The following DGKG variants were observed in gnomAD, a reference collection of about 807,000 sequenced individuals.
DGKG encodes the protein DAG kinase gamma.
In DGKG, 78 loss-of-function variants were observed where a neutral mutation model predicts 105.3. The observed-to-expected ratio is 0.74, with a 90% CI of 0.62 to 0.89. The LOEUF (loss-of-function observed/expected upper bound fraction) is 0.89, where lower values mean the gene tolerates loss of function less well. Ranked by LOEUF, DGKG falls within the 40% of genes least tolerant of loss-of-function variation. DGKG has a pLI of 0.00. For missense variants in DGKG, 958 were observed against 1,020.1 expected, an observed-to-expected ratio of 0.94 and a Z score of 0.83; for synonymous variants, 346 against 367.1, an observed-to-expected ratio of 0.94 and a Z score of 0.66.
At position 186,224,807 on chromosome 3, in the gene DGKG, T is replaced by C. The variant is rs9811629; in HGVS notation, c.1827-12922A>G. Among the ~76,000 whole-genome samples the C allele has an allele frequency of 8.6e-3, 1,261 of 145,920 alleles. 21 individuals carry two copies. The highest frequency in any genetic ancestry group is 0.029 in the African/African-American group (1,158 of 39,838). ...TTTTAACCAATGCTACATACTTTAA[T>C]ACATGCTGGAAGAAGACAATCTGGG... On this transcript the variant is annotated intron_variant, in intron 20 of 24. Transcript: ENST00000265022.
At chr3:186,314,968 A>AC (rs1266683513) in intron 2 of DGKG, among the ~76,000 whole-genome samples, 5 of 151,814 alleles carry the variant, frequency 3.3e-5, no homozygotes, top group South Asian at 2.1e-4. Flanking sequence ...AAAAATGCCC[A>AC]CCCCCCAATG....
chr3:186,360,256 C>T (rs1446227787), intron 1 of DGKG, among the ~76,000 whole-genome samples: 1 of 151,964 alleles, frequency 6.6e-6, no homozygotes, highest in Admixed American at 6.6e-5. Context: ...TCGTTTTCTC[C>T]CCATGTCTCG....
chr3:186,191,087 G>C (rs1717884372), intron 21 of DGKG, among the ~76,000 whole-genome samples: 1 of 152,046 alleles, frequency 6.6e-6, no homozygotes, highest in South Asian at 2.1e-4. Flanking sequence ...CTTCTCTGTG[G>C]TCATCTGACT....
intron 19 of DGKG, among the ~76,000 whole-genome samples, chr3:186,246,975 C>T (rs6792471): frequency 0.78 from 118,341 of 152,096 alleles, 50,502 homozygotes; most frequent in East Asian, 1. Context: ...TTACACATAC[C>T]TTGGGAATTA....
chr3:186,248,367 G>A lies in DGKG; in HGVS notation c.1761+3392C>T, dbSNP rs538473693. On this transcript the variant is annotated intron_variant, in intron 19 of 24. Transcript: ENST00000265022. ...GCTCCTCAGCTCTGGCTTCCAGCCC[G>A]TTGCTTAGAGGGCTAGTTCTCCCCT... 6.6e-4 allele frequency among the ~76,000 whole-genome samples: 100 copies of A among 152,328 alleles called. 3 individuals carry two copies. Among genetic ancestry groups the A allele is most frequent in the East Asian group, 7.7e-4 (4 of 5,176 alleles).
At chr3:186,355,355 CT>C (rs1412442087) in intron 1 of DGKG, among the ~76,000 whole-genome samples, 6 of 70,024 alleles carry the variant, frequency 8.6e-5, no homozygotes, top group African/African-American at 3.4e-4. Context: ...AACAACACTA[CT>C]CCTACCACCA....
chr3:186,268,718 G>T, intron 12 of DGKG, 83 bp downstream of exon 12: 3 of 989,554 alleles, frequency 3.0e-6, no homozygotes, highest in South Asian at 2.7e-5. Flanking sequence ...CATGCCCTCT[G>T]GCCGGATATT....
In DGKG at chr3:186,148,554, G is replaced by A; in HGVS notation, c.*1536C>T. 2 of 985,410 alleles carry A rather than the reference G, an allele frequency of 2.0e-6. No individual in the cohort carries two copies. The highest frequency in any genetic ancestry group is 4.7e-5 in the South Asian group (1 of 21,288). The allele number at this position is 985,410 out of a possible 1,614,324, so 61.0% of individuals were successfully genotyped here. A position where few individuals can be genotyped will look rare whatever the true frequency, so the allele number is the denominator to read the frequency against. ...TGGATCCAAGTGGACTCACTTTTCA[G>A]TGACCAGAAATGACCCTACTCTGAG... On this transcript the variant is annotated 3_prime_UTR_variant, in exon 25 of 25. Coordinates refer to ENST00000265022, the MANE Select transcript of DGKG (RefSeq NM_001346.3).
At chr3:186,252,544 C>T (rs764071465) in intron 18 of DGKG, among the ~76,000 whole-genome samples, 4 of 152,234 alleles carry the variant, frequency 2.6e-5, no homozygotes, top group African/African-American at 2.4e-5. Context: ...TTGTCTTATA[C>T]ACTGGTTACC....
At chr3:186,250,576 G>A (rs2889737) in intron 19 of DGKG, among the ~76,000 whole-genome samples, 85,987 of 107,742 alleles carry the variant, frequency 0.8, 33,316 homozygotes, top group East Asian at 0.92. Flanking sequence ...TTGAGACAGA[G>A]TCTCGCTCTG....
intron 19 of DGKG, among the ~76,000 whole-genome samples, chr3:186,249,875 C>T (rs535386469): frequency 6.6e-6 from 1 of 151,560 alleles, no homozygotes; most frequent in African/African-American, 2.4e-5. Context: ...TTTACTTAAA[C>T]TTGCTATCCC....
At chr3:186,325,626 G>A (rs1030169268) in intron 1 of DGKG, among the ~76,000 whole-genome samples, 1 of 151,938 alleles carries the variant, frequency 6.6e-6, no homozygotes, top group Non-Finnish European at 1.5e-5. Context: ...TTAGTTAGGA[G>A]TCTATTGTAA....
chr3:186,212,251 A>G (rs540444095), intron 20 of DGKG, among the ~76,000 whole-genome samples: 4 of 152,168 alleles, frequency 2.6e-5, no homozygotes, highest in Non-Finnish European at 5.9e-5. Flanking sequence ...TGTCCTTTCC[A>G]TTACTCAGGC....
intron 21 of DGKG, among the ~76,000 whole-genome samples, chr3:186,193,225 C>A (rs1411545899): frequency 6.6e-6 from 1 of 152,146 alleles, no homozygotes; most frequent in Admixed American, 6.5e-5. Context: ...AACGTGCCTG[C>A]CTGGGCTTGA....
At chr3:186,187,432 G>A (rs1179691453) in intron 22 of DGKG, among the ~76,000 whole-genome samples, 2 of 152,238 alleles carry the variant, frequency 1.3e-5, no homozygotes, top group Non-Finnish European at 2.9e-5. Context: ...GTGATGGGAA[G>A]GCTGGAGTTA....
In DGKG at chr3:186,215,304, G is replaced by C. The variant is rs896371594; in HGVS notation, c.1827-3419C>G. Among the ~76,000 whole-genome samples the C allele has an allele frequency of 2.6e-5, 4 of 151,924 alleles. No individual in the cohort carries two copies. In the East Asian group the frequency reaches 7.8e-4, roughly 30 times the overall value. On this transcript the variant is annotated intron_variant, in intron 20 of 24. Transcript: ENST00000265022. ...CGGGCACTGGTAATCCCAGCGGCTT[G>C]GGAAGCTGAGGTGGGAGAATTGCTT...
chr3:186,213,318 C>T (rs1719127078), intron 20 of DGKG, among the ~76,000 whole-genome samples: 2 of 152,222 alleles, frequency 1.3e-5, no homozygotes, highest in African/African-American at 4.8e-5. Context: ...TGCAGAGCAG[C>T]CAGGTGGGAT....
rs1009956028 is a variant in DGKG, at chr3:186,210,707, G to T, written c.1917+1088C>A. The T allele has an allele frequency of 2.3e-6, 1 of 435,226 alleles. No individual in the cohort carries two copies. Among genetic ancestry groups the T allele is most frequent in the Non-Finnish European group, 4.6e-6 (1 of 218,610 alleles). The allele number at this position is 435,226 out of a possible 1,614,324, so 27.0% of individuals were successfully genotyped here. A position where few individuals can be genotyped will look rare whatever the true frequency, so the allele number is the denominator to read the frequency against. On this transcript the variant is annotated intron_variant, in intron 21 of 24. Coordinates refer to ENST00000265022, the MANE Select transcript of DGKG (RefSeq NM_001346.3). This position sits in a 1 kb window ranked among gnomAD's most constrained non-coding sequence, Gnocchi z 5.2. ...GGCCACAGGTGCCTCCTCCAGGGAG[G>T]CCCAGGCCCCACTGGACTGCAGTGC...
intron 21 of DGKG, among the ~76,000 whole-genome samples, chr3:186,201,600 T>C (rs1042551900): frequency 1.4e-4 from 22 of 152,310 alleles, no homozygotes; most frequent in Admixed American, 1.3e-3. Context: ...TCTCACTCAC[T>C]GCGCAGTTAG....
Sources: allele counts gnomAD v4.1 joint callset (sites outside exome capture counted in the v4.1 genomes callset), GRCh38; gene constraint gnomAD v4.1.1; non-coding constraint Gnocchi (gnomAD v3.1); transcripts MANE v1.5; gene names NCBI Gene and HGNC (gene_info 2026-07-23, HGNC 2026-07-21).